The following NRDE2 variants were observed in gnomAD, a reference collection of about 807,000 sequenced individuals.
The protein encoded by NRDE2 is nuclear exosome regulator NRDE2.
A neutral mutation model predicts 124.2 loss-of-function variants in NRDE2; 76 were observed. The observed-to-expected ratio is 0.61, with a 90% CI of 0.51 to 0.74. The LOEUF (loss-of-function observed/expected upper bound fraction) is 0.74, where lower values mean the gene tolerates loss of function less well. Among genes scored for constraint, NRDE2 ranks in the 30% least tolerant of loss-of-function variants. The pLI is 0.00. For missense variants in NRDE2, 1,314 were observed against 1,417.3 expected, an observed-to-expected ratio of 0.93 and a Z score of 1.17; for synonymous variants, 489 against 528.1, an observed-to-expected ratio of 0.93 and a Z score of 1.01.
intron 11 of NRDE2, 143 bp downstream of exon 11, chr14:90,288,074 T>A: frequency 1.4e-6 from 1 of 734,150 alleles, no homozygotes; most frequent in Non-Finnish European, 2.2e-6. Context: ...CGTTATCCTA[T>A]GACACCTACA....
intron 13 of NRDE2, 154 bp downstream of exon 13, chr14:90,278,908 A>T (rs1382615287): frequency 8.9e-6 from 6 of 676,402 alleles, no homozygotes; most frequent in Non-Finnish European, 1.6e-5. Context: ...CAGTTTCACC[A>T]GGAAAAGGCT....
intron 7 of NRDE2, among the ~76,000 whole-genome samples, chr14:90,300,490 A>G (rs552555476): frequency 6.6e-6 from 1 of 152,246 alleles, no homozygotes; most frequent in Non-Finnish European, 1.5e-5. Flanking sequence ...ACATCTTTAC[A>G]GAGTAGAAAA....
At position 90,269,620 on chromosome 14, in the gene NRDE2, G is replaced by GC; in HGVS notation, c.*8715dup. ...TTTGTGTTTAAGTGTGCTTTGGGAG[G>GC]CCTATAAAATGATACATAAAAAAGC... On this transcript the variant is annotated 3_prime_UTR_variant, in exon 14 of 14. Coordinates refer to ENST00000354366, the MANE Select transcript of NRDE2 (RefSeq NM_017970.4). 6.6e-7 allele frequency: 1 copy of GC among 1,514,464 alleles called. No homozygotes were observed. Among genetic ancestry groups the GC allele is most frequent in the South Asian group, 1.2e-5 (1 of 80,210 alleles). 93.8% of individuals were successfully genotyped at this position (1,514,464 alleles called of 1,614,324 possible). A position where few individuals can be genotyped will look rare whatever the true frequency, so the allele number is the denominator to read the frequency against.
At chr14:90,319,855 G>A (rs758915131) in intron 1 of NRDE2, among the ~76,000 whole-genome samples, 4 of 152,188 alleles carry the variant, frequency 2.6e-5, no homozygotes, top group Non-Finnish European at 5.9e-5. Context: ...GAGCGGAATT[G>A]CTGGGTGATA....
chr14:90,279,496 T>C (rs376905866), intron 12 of NRDE2: 3 of 186,926 alleles, frequency 1.6e-5, no homozygotes, highest in Admixed American at 6.1e-5. Flanking sequence ...ATTATACAAA[T>C]AGAGAAAATC....
At chr14:90,293,742 A>G (rs989941443) in intron 8 of NRDE2, among the ~76,000 whole-genome samples, 1 of 152,354 alleles carries the variant, frequency 6.6e-6, no homozygotes, top group Middle Eastern at 3.4e-3. Context: ...GCCTTTAAAA[A>G]AGCCAAATCA....
At chr14:90,315,673 G>A (rs1240037561) in intron 3 of NRDE2, among the ~76,000 whole-genome samples, 1 of 152,066 alleles carries the variant, frequency 6.6e-6, no homozygotes, top group Non-Finnish European at 1.5e-5. Context: ...GTAGAAAGCA[G>A]AGTAGGCCAC....
rs1390941390 is a variant in NRDE2, at chr14:90,302,922, C to T, written c.1209G>A (p.Glu403=). Reference sequence around the variant, plus strand: ...GATGCAAAAATATCAGTTTCTGCCACTCTTTGACCAGAGTGGAGGGCTCCC... The same window carrying T: ...GATGCAAAAATATCAGTTTCTGCCATTCTTTGACCAGAGTGGAGGGCTCCC... ...EFWEPSTLVK[E]WQKLIFLHPN... is the part of the protein sequence containing the mutation. The change falls in exon 6 of 14, where the codon GAG becomes GAA. Residue 403 remains glutamate, a synonymous_variant. Coordinates refer to ENST00000354366, the MANE Select transcript of NRDE2 (RefSeq NM_017970.4). The T allele has an allele frequency of 2.5e-6, 4 of 1,614,150 alleles. No individual in the cohort carries two copies. The South Asian group carries it at 4.4e-5, about 18-fold the overall frequency.
intron 4 of NRDE2, 28 bp from the exon 5 acceptor site, chr14:90,304,410 CTGAGGGAATACG>C (rs1456748383): frequency 3.1e-5 from 47 of 1,531,466 alleles, no homozygotes; most frequent in Non-Finnish European, 3.9e-5. Flanking sequence ...AAAAAAGTTA[CTGAGGGAATACG>C]TGTACTACCT....
chr14:90,280,775 T>A (rs1043885072), intron 12 of NRDE2: 2 of 152,384 alleles, frequency 1.3e-5, no homozygotes, highest in Admixed American at 6.5e-5. Flanking sequence ...TCTTCTGAAC[T>A]GACAACTGAG....
chr14:90,274,578 A>C lies in NRDE2; in HGVS notation c.*3758T>G, dbSNP rs1891753162. The C allele has an allele frequency of 6.6e-6, 1 of 152,282 alleles. No homozygotes were observed. The highest frequency in any genetic ancestry group is 1.5e-5 in the Non-Finnish European group (1 of 68,158). The allele number at this position is 152,282 out of a possible 1,614,324, so 9.4% of individuals were successfully genotyped here. ...TCTCCACTAAAAGGAGTGAGGGCTG[A>C]TTCCGGGGCTAGGCAGGGAAAGGAC... On this transcript the variant is annotated 3_prime_UTR_variant, in exon 14 of 14. Transcript: ENST00000354366.
At position 90,274,827 on chromosome 14, in the gene NRDE2, CACACACACACA is replaced by C. The variant is rs1257144993; in HGVS notation, c.*3498_*3508del. ...ACACACACACACACACACACACACA[CACACACACACA>C]CCCCAATACATATGAATTGATCTGA... On this transcript the variant is annotated 3_prime_UTR_variant, in exon 14 of 14. Coordinates refer to ENST00000354366, the MANE Select transcript of NRDE2 (RefSeq NM_017970.4). 193 of 96,608 alleles carry C rather than the reference CACACACACACA, an allele frequency of 2.0e-3. 1 individual carries two copies. Among genetic ancestry groups the C allele is most frequent in the Middle Eastern group, 5.6e-3 (1 of 180 alleles). The allele number at this position is 96,608 out of a possible 1,614,324, so 6.0% of individuals were successfully genotyped here. A position where few individuals can be genotyped will look rare whatever the true frequency, so the allele number is the denominator to read the frequency against.
rs769165225 is a variant in NRDE2 at position 90,290,408 on chromosome 14, T to C, written c.2042A>G (p.Asn681Ser). 8.1e-6 allele frequency: 13 copies of C among 1,613,766 alleles called. No homozygotes were observed. The African/African-American group carries it at 1.1e-4, about 13-fold the overall frequency. Residue 681 changes from asparagine to serine, a missense_variant, in exon 10 of 14, where the codon AAC becomes AGC. Physicochemically the swap from Asn to Ser is conservative, Grantham distance 46. Coordinates refer to ENST00000354366, the MANE Select transcript of NRDE2 (RefSeq NM_017970.4). ...LYDEKPLTFF[N>S]PLFSGASCVG... is the part of the protein sequence containing the mutation. ...ACAGCTAGCCCCAGAAAACAAAGGGTTGAAAAAAGTCAAGGGCTTTTCATC... is the reference window on the plus strand; with the variant it reads ...ACAGCTAGCCCCAGAAAACAAAGGGCTGAAAAAAGTCAAGGGCTTTTCATC...
intron 9 of NRDE2, 65 bp from the exon 10 acceptor site, chr14:90,290,672 C>G (rs1435457397): frequency 6.7e-7 from 1 of 1,484,894 alleles, no homozygotes. Context: ...TGTCACAATT[C>G]TCTTTATATG....
In NRDE2 at chr14:90,268,535, C is replaced by T. The variant is rs1891577332; in HGVS notation, c.*9801G>A. The T allele has an allele frequency of 1.2e-5, 11 of 924,034 alleles. No homozygotes were observed. The highest frequency in any genetic ancestry group is 2.9e-4 in the Middle Eastern group (1 of 3,456). 57.2% of individuals were successfully genotyped at this position (924,034 alleles called of 1,614,324 possible). A position where few individuals can be genotyped will look rare whatever the true frequency, so the allele number is the denominator to read the frequency against. On this transcript the variant is annotated 3_prime_UTR_variant, in exon 14 of 14. Coordinates refer to ENST00000354366, the MANE Select transcript of NRDE2 (RefSeq NM_017970.4). ...CACAGTTCTTGCTGTGCGTGGCCTT[C>T]CATGCATGCTTTAGGCTCTGCTCTC...
chr14:90,315,359 A>C, intron 3 of NRDE2, among the ~76,000 whole-genome samples: 1 of 151,912 alleles, frequency 6.6e-6, no homozygotes. Context: ...TGATAGAATG[A>C]GACTCTGTCT....
intron 11 of NRDE2, among the ~76,000 whole-genome samples, chr14:90,287,870 A>G (rs1892149630): frequency 6.6e-6 from 1 of 152,096 alleles, no homozygotes; most frequent in Non-Finnish European, 1.5e-5. Flanking sequence ...TGGAATCCAG[A>G]AAGCTGCCAC....
Position 90,272,653 on chromosome 14 carries a change from A to C in NRDE2, c.*5683T>G, listed in dbSNP as rs1595048076. On this transcript the variant is annotated 3_prime_UTR_variant, in exon 14 of 14. Transcript: ENST00000354366. This position sits in a 1 kb window ranked among gnomAD's most constrained non-coding sequence, Gnocchi z 4.5. ...TCCTGTTTCTGCAGTCTCCACACAC[A>C]CCTACCGCTCAACAGCAGCCTGTGG... The C allele has an allele frequency of 2.9e-6, 1 of 349,494 alleles. No homozygotes were observed. Among genetic ancestry groups the C allele is most frequent in the Non-Finnish European group, 5.5e-6 (1 of 182,474 alleles). 21.6% of individuals were successfully genotyped at this position (349,494 alleles called of 1,614,324 possible).
In NRDE2 at chr14:90,270,504, A is replaced by G; in HGVS notation, c.*7832T>C. On this transcript the variant is annotated 3_prime_UTR_variant, in exon 14 of 14. Transcript: ENST00000354366. ...GTTTACGATTACATCCAAATGGTAT[A>G]TGTGCTTGATATTGAAGTCATTCTT... 6 of 829,152 alleles carry G rather than the reference A, an allele frequency of 7.2e-6. No individual in the cohort carries two copies. The Middle Eastern group carries it at 1.3e-3, about 174-fold the overall frequency. The allele number at this position is 829,152 out of a possible 1,614,324, so 51.4% of individuals were successfully genotyped here. A position where few individuals can be genotyped will look rare whatever the true frequency, so the allele number is the denominator to read the frequency against.
Sources: gnomAD v4.1 joint callset for allele counts (sites outside exome capture counted in the v4.1 genomes callset) on GRCh38, gnomAD v4.1.1 for gene constraint, Gnocchi (gnomAD v3.1) non-coding constraint, MANE v1.5 for transcripts, NCBI Gene and HGNC (gene_info 2026-07-23, HGNC 2026-07-21) for gene names.